CAPN14: variants seen among roughly 807,000 people sequenced by gnomAD.
CAPN14 encodes calpain-14.
Under a neutral mutation model 101.3 loss-of-function variants are expected in CAPN14, and 94 were observed. The ratio of observed to expected loss-of-function variants is 0.93; its 90% CI spans 0.79 to 1.10. The LOEUF is 1.10. CAPN14 is among the 50% of genes least tolerant of loss of function. The pLI is 0.00. For synonymous variants in CAPN14, 338 were observed against 317.9 expected (o/e 1.06, Z -0.67); for missense variants, 837 against 828.4 (o/e 1.01, Z -0.13).
At chr2:31,227,159 G>C (rs1683046498) in intron 1 of CAPN14, among the ~76,000 whole-genome samples, 1 of 152,170 alleles carries the variant, frequency 6.6e-6, no homozygotes, top group Admixed American at 6.5e-5. Context: ...TTAGAAGCAG[G>C]CATCTTATTA....
chr2:31,181,036 C>A (rs1253768247), intron 16 of CAPN14, 36 bp from the exon 17 acceptor site: 1 of 1,534,788 alleles, frequency 6.5e-7, no homozygotes, highest in South Asian at 1.2e-5. Flanking sequence ...TGGGGGCTGG[C>A]CCCAGGTCTG....
At chr2:31,228,750 G>T (rs923715643) in intron 1 of CAPN14, among the ~76,000 whole-genome samples, 1 of 152,098 alleles carries the variant, frequency 6.6e-6, no homozygotes, top group African/African-American at 2.4e-5. Flanking sequence ...TACATGCACG[G>T]TCCCTTTAAT....
intron 8 of CAPN14, among the ~76,000 whole-genome samples, chr2:31,196,773 A>C (rs1681489633): frequency 6.6e-6 from 1 of 152,182 alleles, no homozygotes; most frequent in South Asian, 2.1e-4. Context: ...ATATGTAATC[A>C]GAGTGTAGAG....
At position 31,194,039 on chromosome 2, in the gene CAPN14, G is replaced by A. The variant is rs1681347039; in HGVS notation, c.950+370C>T. 3.9e-5 allele frequency among the ~76,000 whole-genome samples: 6 copies of A among 152,148 alleles called. 1 individual carries two copies. The South Asian group carries it at 1.2e-3, about 32-fold the overall frequency. ...GTGTTACTCTGCTCTGGAGGGCACT[G>A]GTCAGGGGCCTATCCTATGACAAGA... On this transcript the variant is annotated intron_variant, in intron 9 of 21. Coordinates refer to ENST00000403897, the MANE Select transcript of CAPN14 (RefSeq NM_001145122.2).
At chr2:31,217,851 C>A (rs931884000), upstream of CAPN14, among the ~76,000 whole-genome samples, 2 of 152,166 alleles carry the variant, frequency 1.3e-5, no homozygotes, top group African/African-American at 4.8e-5. Context: ...CCCCACAACT[C>A]CCAGGACACC....
At chr2:31,200,656 A>T in intron 5 of CAPN14, 31 bp from the exon 6 acceptor site, 2 of 1,511,160 alleles carry the variant, frequency 1.3e-6, no homozygotes, top group Non-Finnish European at 1.8e-6. Context: ...CATGAGAGGA[A>T]AAAAGTATCA....
At chr2:31,228,105 G>A (rs1558642005) in intron 1 of CAPN14, among the ~76,000 whole-genome samples, 1 of 152,232 alleles carries the variant, frequency 6.6e-6, no homozygotes, top group Non-Finnish European at 1.5e-5. Context: ...GTGCATGGTT[G>A]TAGGCAGGTC....
At chr2:31,206,819 C>T (rs1682123307) in intron 1 of CAPN14, among the ~76,000 whole-genome samples, 1 of 152,168 alleles carries the variant, frequency 6.6e-6, no homozygotes, top group Non-Finnish European at 1.5e-5. Context: ...TTAGCCTCCC[C>T]ATTTTTCAGG....
intron 9 of CAPN14, 100 bp from the exon 10 acceptor site, chr2:31,193,394 C>A (rs1016100235): frequency 5.0e-6 from 6 of 1,193,028 alleles, no homozygotes; most frequent in Non-Finnish European, 7.0e-6. Context: ...GCATCCCAGC[C>A]CTCTCATGGA....
intron 2 of CAPN14, among the ~76,000 whole-genome samples, chr2:31,224,277 T>G (rs1682954112): frequency 1.3e-5 from 2 of 152,134 alleles, no homozygotes; most frequent in South Asian, 4.1e-4. Flanking sequence ...ATAACACACA[T>G]ATACATTTAC....
intron 16 of CAPN14, among the ~76,000 whole-genome samples, chr2:31,181,443 T>C (rs1250425640): frequency 7.6e-6 from 1 of 132,408 alleles, no homozygotes; most frequent in Non-Finnish European, 1.7e-5. Context: ...TCTTTCTTTC[T>C]TTTTCTTTCT....
At position 31,202,030 on chromosome 2, in the gene CAPN14, G is replaced by A. The variant is rs1004110651; in HGVS notation, c.415-32C>T. ...GGAGAGAGTGGCCCCGGGTGAATGA[G>A]GACTGCTGCAGATGGTGATCAGCCC... On this transcript the variant is annotated intron_variant, in intron 4 of 21. Coordinates refer to ENST00000403897, the MANE Select transcript of CAPN14 (RefSeq NM_001145122.2). 7.7e-6 allele frequency: 12 copies of A among 1,550,678 alleles called. No individual in the cohort carries two copies. In the East Asian group the frequency reaches 9.8e-5, roughly 13 times the overall value.
At chr2:31,182,373 T>A (rs1680689344) in intron 16 of CAPN14, among the ~76,000 whole-genome samples, 1 of 148,680 alleles carries the variant, frequency 6.7e-6, no homozygotes, top group Non-Finnish European at 1.5e-5. Flanking sequence ...GGTATTCAAT[T>A]GGGAAGAGAG....
At chr2:31,201,837 G>A (rs983946710) in intron 5 of CAPN14, 25 bp downstream of exon 5, 1 of 1,547,266 alleles carries the variant, frequency 6.5e-7, no homozygotes, top group African/African-American at 1.4e-5. Context: ...CGATGGGAAG[G>A]GGGATATTTC....
chr2:31,195,928 C>T (rs533885078), intron 8 of CAPN14, among the ~76,000 whole-genome samples: 3 of 151,768 alleles, frequency 2.0e-5, no homozygotes. Flanking sequence ...AAATATGATC[C>T]GTGACCTGGA....
At position 31,202,136 on chromosome 2, in the gene CAPN14, A is replaced by T; in HGVS notation, c.412T>A (p.Trp138Arg). Residue 138 changes from tryptophan to arginine, a missense_variant and splice_region_variant, in exon 4 of 22, where the codon TGG (tryptophan) becomes AGG (arginine). Trp to Arg is a moderately radical substitution (Grantham distance 101). Coordinates refer to ENST00000403897, the MANE Select transcript of CAPN14 (RefSeq NM_001145122.2). ...TGAGGACCCGGGAAGACACTCACCC[A>T]GAACCGGAAGATGCCAGCATACTTC... is the stretch of plus-strand genomic sequence containing the variant. ...TEKYAGIFRF[W>R]FWHYGNWVPV... The T allele has an allele frequency of 6.4e-7, 1 of 1,551,868 alleles. No homozygotes were observed. The highest frequency in any genetic ancestry group is 8.7e-7 in the Non-Finnish European group (1 of 1,146,956).
upstream of CAPN14, among the ~76,000 whole-genome samples, chr2:31,221,184 A>G (rs55979456): frequency 0.11 from 17,322 of 152,238 alleles, 1,432 homozygotes; most frequent in African/African-American, 0.23. Context: ...CAGACAAGCT[A>G]TTTTCTCAAC....
Position 31,205,210 on chromosome 2 carries a change from C to T in CAPN14, c.225+13G>A, listed in dbSNP as rs2148693355. 2 of 1,548,896 alleles carry T rather than the reference C, an allele frequency of 1.3e-6. No individual in the cohort carries two copies. The highest frequency in any genetic ancestry group is 1.2e-5 in the South Asian group (1 of 83,944). On this transcript the variant is annotated intron_variant, in intron 2 of 21. Transcript: ENST00000403897. ...TGGGGAAGGAGGGTCTGGGCTGACACATTTTGCCTCACCGGGGGCCTCTTC... is the reference window on the plus strand; with the variant it reads ...TGGGGAAGGAGGGTCTGGGCTGACATATTTTGCCTCACCGGGGGCCTCTTC...
chr2:31,199,586 T>G (rs7563977), intron 6 of CAPN14, 54 bp from the exon 7 acceptor site: 2 of 1,451,876 alleles, frequency 1.4e-6, no homozygotes, highest in Non-Finnish European at 1.9e-6. Context: ...AGCTTATTCT[T>G]TGAGTCGTGG....
Sources: gnomAD v4.1 joint callset for allele counts (sites outside exome capture counted in the v4.1 genomes callset) on GRCh38, gnomAD v4.1.1 for gene constraint, MANE v1.5 for transcripts, NCBI Gene and HGNC (gene_info 2026-07-23, HGNC 2026-07-21) for gene names.